The following CDH13 variants were observed in gnomAD, a reference collection of about 807,000 sequenced individuals.
CDH13 encodes the protein cadherin 13.
CDH13 carries 24 observed loss-of-function variants against 63.8 expected under a neutral mutation model. The observed-to-expected ratio is 0.38, with a 90% confidence interval of 0.27 to 0.53. The LOEUF (loss-of-function observed/expected upper bound fraction) is 0.53. CDH13 is among the 20% of genes least tolerant of loss of function. The pLI is 0.85. For missense variants in CDH13, 1,049 were observed against 903.1 expected (o/e 1.16, Z -2.07); for synonymous variants, 503 against 355.3 (o/e 1.42, Z -4.67).
chr16:82,871,823 C>T (rs1288894836), intron 2 of CDH13, among the ~76,000 whole-genome samples: 1 of 152,162 alleles, frequency 6.6e-6, no homozygotes, highest in Non-Finnish European at 1.5e-5. Flanking sequence ...TGATCTCAAT[C>T]TTCACTCTCA....
chr16:83,778,383 A>T (rs1915267709), intron 11 of CDH13, among the ~76,000 whole-genome samples: 1 of 152,164 alleles, frequency 6.6e-6, no homozygotes, highest in African/African-American at 2.4e-5. Flanking sequence ...TACAAAAATT[A>T]GCTGGACATT....
In CDH13 at chr16:82,971,010, T is replaced by C. The variant is rs76080746; in HGVS notation, c.158-61000T>C. Among the ~76,000 whole-genome samples, 24 of 152,310 alleles carry C rather than the reference T, an allele frequency of 1.6e-4. No individual in the cohort carries two copies. The East Asian group carries it at 4.4e-3, about 28-fold the overall frequency. On this transcript the variant is annotated intron_variant, in intron 2 of 13. Transcript: ENST00000567109. Reference sequence around the variant, plus strand: ...GTTGCAAAATCCATAGCAGACACTGTAGGTGCTCCACCTATATCCTTTCCT... The same window carrying C: ...GTTGCAAAATCCATAGCAGACACTGCAGGTGCTCCACCTATATCCTTTCCT...
At chr16:83,472,574 C>T (rs2073484287) in intron 6 of CDH13, among the ~76,000 whole-genome samples, 1 of 152,166 alleles carries the variant, frequency 6.6e-6, no homozygotes, top group Non-Finnish European at 1.5e-5. Flanking sequence ...GTGCAGCTCT[C>T]TTAAGTTGTG....
chr16:83,319,627 T>C (rs963516081), intron 5 of CDH13, among the ~76,000 whole-genome samples: 1 of 152,172 alleles, frequency 6.6e-6, no homozygotes, highest in Non-Finnish European at 1.5e-5. Flanking sequence ...TTTAAATTAC[T>C]AAACAAAACT....
intron 3 of CDH13, among the ~76,000 whole-genome samples, chr16:83,111,833 GAGAA>G (rs2035072290): frequency 6.6e-6 from 1 of 152,038 alleles, no homozygotes; most frequent in Non-Finnish European, 1.5e-5. Context: ...AAAACCTAAA[GAGAA>G]AGAGAAATAA....
chr16:83,540,068 T>TTA (rs1312269364), intron 7 of CDH13, among the ~76,000 whole-genome samples: 1 of 138,732 alleles, frequency 7.2e-6, no homozygotes, highest in Non-Finnish European at 1.6e-5. Flanking sequence ...TCAATAAATT[T>TTA]TTTTTTTTTT....
chr16:82,881,223 C>T (rs1172213729), intron 2 of CDH13, among the ~76,000 whole-genome samples: 1 of 152,086 alleles, frequency 6.6e-6, no homozygotes, highest in East Asian at 1.9e-4. Flanking sequence ...TGTCTCTGGG[C>T]CATCTTGCAT....
chr16:82,813,063 T>C (rs2037524945), intron 1 of CDH13, among the ~76,000 whole-genome samples: 1 of 152,180 alleles, frequency 6.6e-6, no homozygotes, highest in South Asian at 2.1e-4. Flanking sequence ...GGTAGTTGTT[T>C]ATTGCCCCCC....
At chr16:82,639,588 A>T in intron 1 of CDH13, 1 of 661,886 alleles carries the variant, frequency 1.5e-6, no homozygotes, top group Non-Finnish European at 2.7e-6. Context: ...TCCCCAAACA[A>T]AAAGAAAACA....
At position 82,876,903 on chromosome 16, in the gene CDH13, A is replaced by G. The variant is rs533769254; in HGVS notation, c.157+18430A>G. Among the ~76,000 whole-genome samples the G allele has an allele frequency of 4.6e-5, 7 of 152,314 alleles. No individual in the cohort carries two copies. The South Asian group carries it at 1.0e-3, about 23-fold the overall frequency. ...GCAGTGCTGAGCTCTGACCATAGAAAAAAAGTATCTGGGAACTATCTCAAG... is the reference window on the plus strand; with the variant it reads ...GCAGTGCTGAGCTCTGACCATAGAAGAAAAGTATCTGGGAACTATCTCAAG... On this transcript the variant is annotated intron_variant, in intron 2 of 13. Coordinates refer to ENST00000567109, the MANE Select transcript of CDH13 (RefSeq NM_001257.5).
At chr16:82,836,093 C>T (rs986159689) in intron 1 of CDH13, among the ~76,000 whole-genome samples, 21 of 152,092 alleles carry the variant, frequency 1.4e-4, no homozygotes, top group African/African-American at 4.8e-4. Flanking sequence ...ATGAACTTTG[C>T]ATGTGAAAGA....
At chr16:83,102,948 C>CTT (rs71148813) in intron 3 of CDH13, among the ~76,000 whole-genome samples, 11 of 69,024 alleles carry the variant, frequency 1.6e-4, no homozygotes, top group African/African-American at 3.5e-4. Flanking sequence ...TTTTCTTTTT[C>CTT]TTTTTTTTTT....
intron 5 of CDH13, among the ~76,000 whole-genome samples, chr16:83,240,706 A>T (rs1597579732): frequency 8.3e-6 from 1 of 120,882 alleles, no homozygotes; most frequent in Non-Finnish European, 1.7e-5. Flanking sequence ...CTTTAAATTT[A>T]CTGTCTTAAT....
chr16:83,083,534 G>C (rs1056632187), intron 3 of CDH13, among the ~76,000 whole-genome samples: 2 of 152,188 alleles, frequency 1.3e-5, no homozygotes, highest in Admixed American at 1.3e-4. Flanking sequence ...CACAGAGCTA[G>C]TGAGTAACAG....
At chr16:82,858,331 A>G in intron 1 of CDH13, 31 bp from the exon 2 acceptor site, 1 of 1,451,878 alleles carries the variant, frequency 6.9e-7, no homozygotes, top group Non-Finnish European at 9.7e-7. Flanking sequence ...ATAAGCCGCT[A>G]TTAAAATATT....
intron 6 of CDH13, among the ~76,000 whole-genome samples, chr16:83,383,842 G>A (rs540515896): frequency 6.6e-6 from 1 of 152,294 alleles, no homozygotes; most frequent in South Asian, 2.1e-4. Flanking sequence ...TTCATGGAGG[G>A]TGGTCTTTAG....
intron 1 of CDH13, among the ~76,000 whole-genome samples, chr16:82,663,222 T>C (rs1001544167): frequency 1.3e-5 from 2 of 152,204 alleles, no homozygotes; most frequent in Non-Finnish European, 2.9e-5. Flanking sequence ...GTTTCGCTGT[T>C]GTTGCCCTGG....
chr16:83,358,332 C>T (rs541894104), intron 6 of CDH13, among the ~76,000 whole-genome samples: 2 of 152,142 alleles, frequency 1.3e-5, no homozygotes, highest in African/African-American at 2.4e-5. Flanking sequence ...TCTGGAGTAG[C>T]GATATGATGG....
At position 83,497,835 on chromosome 16, in the gene CDH13, A is replaced by G. The variant is rs536562910; in HGVS notation, c.960+11180A>G. On this transcript the variant is annotated intron_variant, in intron 7 of 13. Coordinates refer to ENST00000567109, the MANE Select transcript of CDH13 (RefSeq NM_001257.5). ...TATGTACTGACTGCAGCATGTTATC[A>G]TATGTCTATATCTGAAGTCCACTCT... is the stretch of plus-strand genomic sequence containing the variant. 2.6e-5 allele frequency among the ~76,000 whole-genome samples: 4 copies of G among 152,310 alleles called. No homozygotes were observed. The South Asian group carries it at 8.3e-4, about 32-fold the overall frequency.
Sources: gnomAD v4.1 joint callset for allele counts (sites outside exome capture counted in the v4.1 genomes callset) on GRCh38, gnomAD v4.1.1 for gene constraint, MANE v1.5 for transcripts, NCBI Gene and HGNC (gene_info 2026-07-23, HGNC 2026-07-21) for gene names.